The following RXRA variants were observed in gnomAD, a reference collection of about 807,000 sequenced individuals.
RXRA encodes retinoic acid receptor RXR-alpha.
Under a neutral mutation model 44.5 loss-of-function variants are expected in RXRA, and 5 were observed. The ratio of observed to expected loss-of-function variants is 0.11; its 90% CI spans 0.06 to 0.24. The LOEUF is 0.24. RXRA is among the 10% of genes least tolerant of loss of function. The pLI, the probability that RXRA is intolerant of heterozygous loss-of-function variation, is 1.00. For synonymous variants in RXRA, 291 were observed against 271.4 expected (o/e 1.07, Z -0.71); for missense variants, 412 against 646.5 (o/e 0.64, Z 3.93).
At chr9:134,339,658 C>T (rs1407951839) in intron 1 of RXRA, among the ~76,000 whole-genome samples, 43 of 107,544 alleles carry the variant, frequency 4.0e-4, no homozygotes, top group East Asian at 2.7e-4. Context: ...TGTGTGTGTG[C>T]CTGTGTGTGT....
At chr9:134,432,060 T>A in intron 8 of RXRA, 64 bp downstream of exon 8, 1 of 1,289,326 alleles carries the variant, frequency 7.8e-7, no homozygotes, top group Non-Finnish European at 1.1e-6. Flanking sequence ...TGCCTGGGCC[T>A]CCTCCTGGCT....
intron 1 of RXRA, among the ~76,000 whole-genome samples, chr9:134,327,612 G>A (rs1481639530): frequency 6.6e-6 from 1 of 152,168 alleles, no homozygotes; most frequent in Admixed American, 6.5e-5. Context: ...AGCTGATTAT[G>A]AATGAAGCCC....
intron 1 of RXRA, among the ~76,000 whole-genome samples, chr9:134,397,841 T>G (rs1830902032): frequency 1.3e-5 from 2 of 152,170 alleles, no homozygotes. Flanking sequence ...GGGAGGGCTG[T>G]GTGTCTGCTG....
chr9:134,432,491 T>C (rs1220292022), intron 8 of RXRA, among the ~76,000 whole-genome samples: 4 of 152,146 alleles, frequency 2.6e-5, no homozygotes, highest in Non-Finnish European at 5.9e-5. Context: ...GGCTTGGGGC[T>C]GTGGGGCTGG....
At position 134,386,858 on chromosome 9, in the gene RXRA, G is replaced by C. The variant is rs78426104; in HGVS notation, c.29-14774G>C. 2.6e-5 allele frequency among the ~76,000 whole-genome samples: 4 copies of C among 152,290 alleles called. No homozygotes were observed. In the East Asian group the frequency reaches 7.7e-4, roughly 29 times the overall value. The stretch of plus-strand genomic sequence containing the variant: ...TGGTTCTCCTCCCTCTCCTTACCTT[G>C]AGGCTCTATGGAGGACCCCTTGGGG... On this transcript the variant is annotated intron_variant, in intron 1 of 9. Coordinates refer to ENST00000481739, the MANE Select transcript of RXRA (RefSeq NM_002957.6).
At chr9:134,362,848 A>T (rs1051377470) in intron 1 of RXRA, among the ~76,000 whole-genome samples, 1 of 152,126 alleles carries the variant, frequency 6.6e-6, no homozygotes, top group African/African-American at 2.4e-5. Context: ...TTGGACGGGG[A>T]TCCTGCCTGT....
At chr9:134,393,860 T>TCTAA (rs1830834865) in intron 1 of RXRA, among the ~76,000 whole-genome samples, 2 of 152,076 alleles carry the variant, frequency 1.3e-5, no homozygotes, top group South Asian at 4.1e-4. Context: ...CACCACTGGG[T>TCTAA]CTAACCCCAG....
chr9:134,398,292 G>A (rs1449414434), intron 1 of RXRA, among the ~76,000 whole-genome samples: 2 of 152,166 alleles, frequency 1.3e-5, no homozygotes, highest in African/African-American at 4.8e-5. Context: ...AAAGTAGGAT[G>A]TTTTAAGAAT....
At chr9:134,432,962 C>T (rs541549510) in intron 8 of RXRA, among the ~76,000 whole-genome samples, 2 of 152,126 alleles carry the variant, frequency 1.3e-5, no homozygotes, top group East Asian at 1.9e-4. Flanking sequence ...AAACTCAGCT[C>T]ATTGCGTGAT....
At chr9:134,371,522 T>C (rs1030356711) in intron 1 of RXRA, among the ~76,000 whole-genome samples, 1 of 152,230 alleles carries the variant, frequency 6.6e-6, no homozygotes, top group Non-Finnish European at 1.5e-5. Context: ...ACCGTCTCTT[T>C]CCATAACATG....
At chr9:134,352,842 C>A (rs1376890469) in intron 1 of RXRA, among the ~76,000 whole-genome samples, 4 of 152,176 alleles carry the variant, frequency 2.6e-5, no homozygotes, top group Admixed American at 2.6e-4. Context: ...TCTTGGGTCT[C>A]TCTTTGGCAG....
chr9:134,402,023 C>G (rs1284504122), intron 2 of RXRA, 141 bp downstream of exon 2: 3 of 729,918 alleles, frequency 4.1e-6, no homozygotes, highest in Non-Finnish European at 6.5e-6. Context: ...TATACAGAGC[C>G]TCGGGGAGCA....
chr9:134,359,355 C>G (rs1008527316), intron 1 of RXRA, among the ~76,000 whole-genome samples: 3 of 152,180 alleles, frequency 2.0e-5, no homozygotes, highest in African/African-American at 2.4e-5. Flanking sequence ...AGATAATTAT[C>G]TGGCAATAAC....
At chr9:134,371,523 C>T (rs953795075) in intron 1 of RXRA, among the ~76,000 whole-genome samples, 1 of 152,242 alleles carries the variant, frequency 6.6e-6, no homozygotes, top group Non-Finnish European at 1.5e-5. Flanking sequence ...CCGTCTCTTT[C>T]CATAACATGA....
intron 1 of RXRA, among the ~76,000 whole-genome samples, chr9:134,378,527 G>C (rs62576350): frequency 0.7 from 105,998 of 152,136 alleles, 37,779 homozygotes; most frequent in Non-Finnish European, 0.78. Flanking sequence ...TAGAGGCAGG[G>C]TCCTGGGTGC....
chr9:134,388,563 G>A (rs1028535568), intron 1 of RXRA, among the ~76,000 whole-genome samples: 1 of 152,208 alleles, frequency 6.6e-6, no homozygotes, highest in African/African-American at 2.4e-5. Flanking sequence ...CTTGTCCTCT[G>A]GGGAGTCATC....
rs1831257336 is a variant in RXRA, at chr9:134,417,543, CCCATGGG to C, written c.780+217_780+223del. The stretch of plus-strand genomic sequence containing the variant: ...CCTCTCCTGGCCCATGCACGAGTAG[CCCATGGG>C]GCAGGGGCCAGGGGCCAGGGGCCCG... On this transcript the variant is annotated intron_variant, in intron 5 of 9. Coordinates refer to ENST00000481739, the MANE Select transcript of RXRA (RefSeq NM_002957.6). The surrounding 1 kb of genome is among the most constrained non-coding windows in gnomAD (Gnocchi z 6.1). Among the ~76,000 whole-genome samples the C allele has an allele frequency of 6.6e-6, 1 of 152,118 alleles. No individual in the cohort carries two copies. Among genetic ancestry groups the C allele is most frequent in the South Asian group, 2.1e-4 (1 of 4,830 alleles).
At chr9:134,389,039 T>C (rs1038442095) in intron 1 of RXRA, among the ~76,000 whole-genome samples, 3 of 152,076 alleles carry the variant, frequency 2.0e-5, no homozygotes, top group African/African-American at 7.2e-5. Flanking sequence ...TCCACTCACC[T>C]CCCTGCCAAG....
intron 1 of RXRA, among the ~76,000 whole-genome samples, chr9:134,331,442 C>T (rs1469822737): frequency 6.6e-6 from 1 of 152,244 alleles, no homozygotes; most frequent in East Asian, 1.9e-4. Context: ...GTTGCACACA[C>T]ACAGAGTCAC....
Sources: allele counts gnomAD v4.1 joint callset (sites outside exome capture counted in the v4.1 genomes callset), GRCh38; gene constraint gnomAD v4.1.1; non-coding constraint Gnocchi (gnomAD v3.1); transcripts MANE v1.5; gene names NCBI Gene and HGNC (gene_info 2026-07-23, HGNC 2026-07-21).